The following RIMS2 variants were observed in gnomAD, a reference collection of about 807,000 sequenced individuals.
The protein encoded by RIMS2 is regulating synaptic membrane exocytosis protein 2.
RIMS2 carries 59 observed loss-of-function variants against 174.4 expected under a neutral mutation model. The ratio of observed to expected loss-of-function variants is 0.34; its 90% CI spans 0.27 to 0.42. The LOEUF (loss-of-function observed/expected upper bound fraction) is 0.42, where lower values mean the gene tolerates loss of function less well. RIMS2 is among the 10% of genes least tolerant of loss of function. RIMS2 has a pLI of 1.00. For synonymous variants in RIMS2, 606 were observed against 572.5 expected (o/e 1.06, Z -0.84); for missense variants, 1,620 against 1,666.3 (o/e 0.97, Z 0.48).
chr8:103,618,203 G>C (rs963444067), intron 1 of RIMS2, among the ~76,000 whole-genome samples: 2 of 152,060 alleles, frequency 1.3e-5, no homozygotes, highest in Non-Finnish European at 2.9e-5. Context: ...GATGGAGCTG[G>C]AGGCTAAGTA....
At chr8:104,115,787 C>T (rs2098269567) in intron 19 of RIMS2, among the ~76,000 whole-genome samples, 2 of 152,104 alleles carry the variant, frequency 1.3e-5, no homozygotes, top group South Asian at 4.1e-4. Context: ...AGAATGTATG[C>T]ACCCATTAAA....
At chr8:104,199,130 C>T (rs965954967) in intron 19 of RIMS2, among the ~76,000 whole-genome samples, 2 of 152,264 alleles carry the variant, frequency 1.3e-5, no homozygotes, top group East Asian at 1.9e-4. Context: ...GGCGCCATCT[C>T]GGCTCACTGC....
chr8:103,753,625 G>A (rs146008412), intron 2 of RIMS2, among the ~76,000 whole-genome samples: 17,772 of 152,040 alleles, frequency 0.12, 1,356 homozygotes, highest in Non-Finnish European at 0.17. Flanking sequence ...TGGTCTATTC[G>A]GAGATTCACC....
intron 9 of RIMS2, among the ~76,000 whole-genome samples, chr8:103,920,265 G>A (rs151073241): frequency 1.7e-4 from 26 of 152,086 alleles, no homozygotes; most frequent in Non-Finnish European, 2.8e-4. Context: ...ATTGCCAGCT[G>A]TATGACTTCC....
chr8:103,687,426 G>C (rs2096955702), intron 1 of RIMS2, among the ~76,000 whole-genome samples: 1 of 151,070 alleles, frequency 6.6e-6, no homozygotes, highest in South Asian at 2.1e-4. Flanking sequence ...AACAAAAATT[G>C]TGTATACTTA....
At chr8:103,608,399 G>A (rs1219162818) in intron 1 of RIMS2, among the ~76,000 whole-genome samples, 2 of 144,158 alleles carry the variant, frequency 1.4e-5, no homozygotes, top group Non-Finnish European at 3.1e-5. Context: ...CTTCAAAGCT[G>A]TCAGACAGGG....
At chr8:103,618,693 G>A (rs530407789) in intron 1 of RIMS2, among the ~76,000 whole-genome samples, 1 of 152,174 alleles carries the variant, frequency 6.6e-6, no homozygotes, top group Admixed American at 6.6e-5. Context: ...GCCTCTCAAT[G>A]GTAGTATCCT....
chr8:103,852,242 T>C (rs754325082), intron 3 of RIMS2, among the ~76,000 whole-genome samples: 1 of 151,952 alleles, frequency 6.6e-6, no homozygotes, highest in Non-Finnish European at 1.5e-5. Flanking sequence ...CAAAAGAAAA[T>C]AGTATAGATA....
intron 1 of RIMS2, among the ~76,000 whole-genome samples, chr8:103,543,766 A>G (rs1563713171): frequency 6.6e-6 from 1 of 152,242 alleles, no homozygotes; most frequent in Non-Finnish European, 1.5e-5. Flanking sequence ...TCTTCAATAA[A>G]TGGTGTTGGG....
intron 1 of RIMS2, among the ~76,000 whole-genome samples, chr8:103,580,266 C>T (rs1278280039): frequency 6.6e-6 from 1 of 151,914 alleles, no homozygotes; most frequent in African/African-American, 2.4e-5. Context: ...AAACAACAAC[C>T]AACTCTATGT....
chr8:103,823,612 T>C (rs544418763), intron 3 of RIMS2, among the ~76,000 whole-genome samples: 35 of 152,150 alleles, frequency 2.3e-4, no homozygotes, highest in African/African-American at 7.5e-4. Flanking sequence ...TTTAGTATTA[T>C]TTTTGGTCAG....
intron 1 of RIMS2, among the ~76,000 whole-genome samples, chr8:103,568,036 G>A (rs1349654800): frequency 6.6e-6 from 1 of 152,172 alleles, no homozygotes; most frequent in African/African-American, 2.4e-5. Flanking sequence ...GAGAGGTTGA[G>A]GTGGGAGGAT....
At chr8:104,161,432 A>T (rs1030786996) in intron 19 of RIMS2, among the ~76,000 whole-genome samples, 1 of 152,208 alleles carries the variant, frequency 6.6e-6, no homozygotes, top group Non-Finnish European at 1.5e-5. Context: ...TTGGGGCCAG[A>T]TTACAAATCA....
chr8:103,716,496 A>G (rs2097369534), intron 2 of RIMS2, among the ~76,000 whole-genome samples, 176 bp downstream of exon 5: 1 of 152,026 alleles, frequency 6.6e-6, no homozygotes, highest in South Asian at 2.1e-4. Context: ...TTACTGAAAA[A>G]CTTACATTAA....
chr8:104,149,558 T>TC (rs1460302567), intron 19 of RIMS2, among the ~76,000 whole-genome samples: 12 of 152,070 alleles, frequency 7.9e-5, no homozygotes, highest in Admixed American at 2.0e-4. Flanking sequence ...GCAATGTCTT[T>TC]TTTCAAATGG....
At chr8:104,213,081 GGAGACGGATCACCTGAGGTCAGGAGTTT>G (rs1297687407) in intron 19 of RIMS2, among the ~76,000 whole-genome samples, 4 of 152,064 alleles carry the variant, frequency 2.6e-5, no homozygotes, top group African/African-American at 9.7e-5. Context: ...CAGCACTTTG[GGAGACGGATCACCTGAGGTCAGGAGTTT>G]GAGACCAGCC....
At chr8:103,644,007 C>T (rs2096278579) in intron 1 of RIMS2, among the ~76,000 whole-genome samples, 1 of 151,986 alleles carries the variant, frequency 6.6e-6, no homozygotes, top group Non-Finnish European at 1.5e-5. Flanking sequence ...GCTTCAAGTG[C>T]ATTTCAAAAT....
At chr8:103,551,017 G>T (rs561536566) in intron 1 of RIMS2, among the ~76,000 whole-genome samples, 1 of 152,212 alleles carries the variant, frequency 6.6e-6, no homozygotes, top group East Asian at 1.9e-4. Context: ...TCTACCAGAG[G>T]TACAAAGATG....
chr8:103,601,954 A>G (rs1245844599), intron 1 of RIMS2, among the ~76,000 whole-genome samples: 1 of 151,710 alleles, frequency 6.6e-6, no homozygotes, highest in Admixed American at 6.6e-5. Flanking sequence ...CTTTAACTTC[A>G]TCTTCATGCT....
Sources: allele counts gnomAD v4.1 joint callset (sites outside exome capture counted in the v4.1 genomes callset), GRCh38; gene constraint gnomAD v4.1.1; transcripts MANE v1.5; gene names NCBI Gene and HGNC (gene_info 2026-07-23, HGNC 2026-07-21).